Variants in OR51B5 observed in about 807,000 individuals in gnomAD.
The protein encoded by OR51B5 is olfactory receptor family 51 subfamily B member 5.
For missense variants in OR51B5, 456 were observed against 374.6 expected, an observed-to-expected ratio of 1.22 and a Z score of -1.79; for synonymous variants, 186 against 144.8, an observed-to-expected ratio of 1.28 and a Z score of -2.04.
At chr11:5,422,355 GCA>G in intron 1 of OR51B5, 1 of 1,614,020 alleles carries the variant, frequency 6.2e-7, no homozygotes, top group Non-Finnish European at 8.5e-7. Context: ...ACTGTCATTC[GCA>G]CAGAGCCATC....
chr11:5,406,456 G>T (rs1259639098), intron 1 of OR51B5, among the ~76,000 whole-genome samples: 1 of 152,088 alleles, frequency 6.6e-6, no homozygotes, highest in Non-Finnish European at 1.5e-5. Flanking sequence ...ATGAAATTGT[G>T]TAATAAGCAG....
chr11:5,413,419 C>T (rs1054221863), intron 1 of OR51B5, among the ~76,000 whole-genome samples: 3 of 152,174 alleles, frequency 2.0e-5, no homozygotes, highest in African/African-American at 7.2e-5. Flanking sequence ...ACCAGCAATG[C>T]AACAAAGCTG....
chr11:5,347,126 A>C (rs1468158200), upstream of OR51B5, among the ~76,000 whole-genome samples: 1 of 152,156 alleles, frequency 6.6e-6, no homozygotes, highest in East Asian at 1.9e-4. Context: ...TAGGACCTTT[A>C]TGTGTGGGGA....
intron 1 of OR51B5, among the ~76,000 whole-genome samples, chr11:5,465,564 A>C (rs1321411524): frequency 6.7e-6 from 1 of 149,794 alleles, no homozygotes; most frequent in African/African-American, 2.5e-5. Flanking sequence ...ACTATACTAC[A>C]AGGCTACAGT....
intron 1 of OR51B5, chr11:5,351,785 G>C: frequency 6.2e-7 from 1 of 1,614,080 alleles, no homozygotes; most frequent in Non-Finnish European, 8.5e-7. Flanking sequence ...ATTGGCCATG[G>C]AGCCTGCTTC....
At chr11:5,346,185 G>A (rs118125467), upstream of OR51B5, 1 of 151,914 alleles carries the variant, frequency 6.6e-6, no homozygotes, top group African/African-American at 2.4e-5. Flanking sequence ...GTAAGGCAAT[G>A]ATTGTATTTT....
intron 1 of OR51B5, among the ~76,000 whole-genome samples, chr11:5,356,182 TA>T (rs891418509): frequency 3.3e-5 from 5 of 152,088 alleles, no homozygotes; most frequent in African/African-American, 1.2e-4. Flanking sequence ...TACTCCGAGC[TA>T]AAGGAGGAAG....
chr11:5,342,474 CACCTATTTT>C (rs1399741446), downstream of OR51B5: 2 of 1,285,216 alleles, frequency 1.6e-6, no homozygotes, highest in East Asian at 2.6e-5. Context: ...TGTATTTTAA[CACCTATTTT>C]ACCAAGTCAT....
At chr11:5,412,597 G>A (rs938637923) in intron 1 of OR51B5, among the ~76,000 whole-genome samples, 14 of 152,212 alleles carry the variant, frequency 9.2e-5, no homozygotes, top group South Asian at 4.1e-4. Flanking sequence ...CGAATACTGC[G>A]CTTTTCCAAC....
At chr11:5,350,662 C>T (rs941821430) in intron 1 of OR51B5, among the ~76,000 whole-genome samples, 1 of 152,154 alleles carries the variant, frequency 6.6e-6, no homozygotes, top group Non-Finnish European at 1.5e-5. Flanking sequence ...AGGTGATATG[C>T]AACAGTAGTT....
intron 1 of OR51B5, among the ~76,000 whole-genome samples, chr11:5,503,522 C>T (rs950922735): frequency 6.6e-6 from 1 of 152,076 alleles, no homozygotes; most frequent in Non-Finnish European, 1.5e-5. Flanking sequence ...AATAAAAAGC[C>T]AATCAAAATC....
chr11:5,363,202 G>T lies in OR51B5; in HGVS notation n.85-16292C>A, dbSNP rs1849311177. 2.0e-5 allele frequency among the ~76,000 whole-genome samples: 3 copies of T among 149,746 alleles called. No homozygotes were observed. In the Admixed American group the frequency reaches 2.0e-4, roughly 10 times the overall value. ...GAGAAATCATTTTTCATCAATACAG[G>T]ATCTCAAGTGTTTCCCCACAACGAA... On this transcript the variant is annotated intron_variant and non_coding_transcript_variant, in intron 1 of 4. Transcript: ENST00000415970.
rs150178048 is a variant in OR51B5, at chr11:5,492,398, C to G, written n.84+13171G>C. Among the ~76,000 whole-genome samples the G allele has an allele frequency of 8.6e-4, 131 of 152,278 alleles. 1 individual carries two copies. Among genetic ancestry groups the G allele is most frequent in the African/African-American group, 3.0e-3 (123 of 41,570 alleles). The stretch of plus-strand genomic sequence containing the variant: ...TTATTGTGATGTGCTAACAATGGTT[C>G]TCAGCAGCAGAGAGACACTCAATTT... On this transcript the variant is annotated intron_variant and non_coding_transcript_variant, in intron 1 of 4. Transcript: ENST00000415970.
intron 1 of OR51B5, among the ~76,000 whole-genome samples, chr11:5,481,550 G>A (rs1301788257): frequency 6.7e-6 from 1 of 150,132 alleles, no homozygotes; most frequent in East Asian, 2.0e-4. Context: ...ATTCAAGCAG[G>A]AAAAGAGGAA....
intron 1 of OR51B5, among the ~76,000 whole-genome samples, chr11:5,385,714 A>G (rs11604144): frequency 2.0e-5 from 3 of 150,600 alleles, no homozygotes; most frequent in East Asian, 1.9e-4. Flanking sequence ...CAAAGTATAT[A>G]TATGTGTACA....
chr11:5,402,772 A>G (rs1426142944), intron 1 of OR51B5: 1 of 471,506 alleles, frequency 2.1e-6, no homozygotes, highest in Non-Finnish European at 4.4e-6. Context: ...ATTGCCCTAC[A>G]TCAACCCATG....
At chr11:5,371,722 C>T (rs747600907) in intron 1 of OR51B5, among the ~76,000 whole-genome samples, 5 of 152,116 alleles carry the variant, frequency 3.3e-5, no homozygotes, top group Admixed American at 2.6e-4. Flanking sequence ...ACCTATCCAT[C>T]AATACAACAC....
In OR51B5 at chr11:5,474,100, A is replaced by C. The variant is rs144583138; in HGVS notation, n.84+31469T>G. 7.1e-3 allele frequency among the ~76,000 whole-genome samples: 1,080 copies of C among 152,262 alleles called. 5 individuals carry two copies. The highest frequency in any genetic ancestry group is 0.012 in the Non-Finnish European group (796 of 67,994). ...ATTACAAATATAAGCCATGGAAAAT[A>C]ATTACTATTTATTGATGACCAAGCA... On this transcript the variant is annotated intron_variant and non_coding_transcript_variant, in intron 1 of 4. Transcript: ENST00000415970.
intron 1 of OR51B5, among the ~76,000 whole-genome samples, chr11:5,370,749 A>G (rs1363333045): frequency 6.6e-6 from 1 of 152,244 alleles, no homozygotes; most frequent in Non-Finnish European, 1.5e-5. Flanking sequence ...AATAATAAAA[A>G]AGTGACAAAA....
Sources: allele counts gnomAD v4.1 joint callset (sites outside exome capture counted in the v4.1 genomes callset), GRCh38; gene constraint gnomAD v4.1.1; transcripts MANE v1.5; gene names NCBI Gene and HGNC (gene_info 2026-07-23, HGNC 2026-07-21).